PDE1A: variants seen among roughly 807,000 people sequenced by gnomAD.
PDE1A encodes phosphodiesterase 1A.
In PDE1A, 35 loss-of-function variants were observed where a neutral mutation model predicts 61.7. The observed-to-expected ratio is 0.57, with a 90% CI of 0.43 to 0.75. PDE1A has a LOEUF of 0.75. PDE1A is among the 30% of genes least tolerant of loss of function. PDE1A has a pLI of 0.00. For synonymous variants in PDE1A, 232 were observed against 213.2 expected, an observed-to-expected ratio of 1.09 and a Z score of -0.77; for missense variants, 597 against 630.6, an observed-to-expected ratio of 0.95 and a Z score of 0.57.
intron 13 of PDE1A, among the ~76,000 whole-genome samples, chr2:182,173,088 C>T (rs923608929): frequency 2.6e-5 from 4 of 152,034 alleles, no homozygotes; most frequent in Non-Finnish European, 5.9e-5. Context: ...GTGAAGCTGG[C>T]TCAGATTTAG....
intron 7 of PDE1A, 68 bp downstream of exon 7, chr2:182,223,796 T>G (rs1688922418): frequency 1.2e-6 from 1 of 866,302 alleles, no homozygotes; most frequent in Non-Finnish European, 1.8e-6. Flanking sequence ...AAAAATCCTC[T>G]TAAGTGATAT....
chr2:182,686,374 T>C, the PDE1A span, among the ~76,000 whole-genome samples: 1 of 152,240 alleles, frequency 6.6e-6, no homozygotes, highest in Admixed American at 6.5e-5. Flanking sequence ...AATTTGCTAA[T>C]ATTTTATTTA....
chr2:182,187,895 C>A (rs1339450186), intron 11 of PDE1A, among the ~76,000 whole-genome samples: 1 of 151,780 alleles, frequency 6.6e-6, no homozygotes, highest in African/African-American at 2.4e-5. Context: ...CAGGTGCATG[C>A]CACCACGCCC....
chr2:182,211,701 T>C (rs1687616796), intron 7 of PDE1A, among the ~76,000 whole-genome samples: 1 of 152,238 alleles, frequency 6.6e-6, no homozygotes. Context: ...GTTTTTCTTA[T>C]AAAGGTCTTG....
intron 10 of PDE1A, among the ~76,000 whole-genome samples, chr2:182,196,723 T>C (rs1686162275): frequency 6.6e-6 from 1 of 151,078 alleles, no homozygotes; most frequent in African/African-American, 2.4e-5. Flanking sequence ...ATAGTATTAT[T>C]TTGAGATTTA....
the PDE1A span, among the ~76,000 whole-genome samples, chr2:182,641,232 T>C: frequency 2.0e-5 from 3 of 151,982 alleles, no homozygotes; most frequent in African/African-American, 7.2e-5. Flanking sequence ...GGAAGAAGAA[T>C]GTAGGGAAAG....
the PDE1A span, among the ~76,000 whole-genome samples, chr2:182,602,369 C>T: frequency 2.6e-5 from 4 of 152,262 alleles, no homozygotes; most frequent in South Asian, 2.1e-4. Context: ...CTGTCTGGAG[C>T]GGCCACTGCC....
At chr2:182,321,484 TTAATAA>T (rs1176792503) in intron 1 of PDE1A, among the ~76,000 whole-genome samples, 1 of 152,234 alleles carries the variant, frequency 6.6e-6, no homozygotes, top group East Asian at 1.9e-4. Context: ...TCAGGCACTG[TTAATAA>T]TGAGTTTCAA....
intron 13 of PDE1A, among the ~76,000 whole-genome samples, chr2:182,171,879 C>T (rs936323788): frequency 6.6e-5 from 10 of 151,960 alleles, no homozygotes; most frequent in South Asian, 4.2e-4. Flanking sequence ...CAACCCAATA[C>T]TCCCTTCCCC....
chr2:182,403,692 G>T (rs1350133490), intron 1 of PDE1A, among the ~76,000 whole-genome samples: 1 of 151,886 alleles, frequency 6.6e-6, no homozygotes, highest in Non-Finnish European at 1.5e-5. Context: ...CAGGGACATG[G>T]GTGAACCTGG....
chr2:182,606,610 A>G, the PDE1A span, among the ~76,000 whole-genome samples: 7 of 149,474 alleles, frequency 4.7e-5, no homozygotes, highest in East Asian at 1.4e-3. Flanking sequence ...TGTGGATGTT[A>G]TAATATAGAA....
the PDE1A span, among the ~76,000 whole-genome samples, chr2:182,610,457 C>A: frequency 1.2e-3 from 184 of 152,176 alleles, no homozygotes; most frequent in Middle Eastern, 3.4e-3. Context: ...TTGAGGCAAT[C>A]CCTGAAGCAA....
At chr2:182,551,493 A>G in the PDE1A span, among the ~76,000 whole-genome samples, 4 of 152,196 alleles carry the variant, frequency 2.6e-5, no homozygotes, top group African/African-American at 9.7e-5. Context: ...ATCTGAAAGC[A>G]GCAATGAGGA....
At chr2:182,408,561 G>C (rs976865277) in intron 1 of PDE1A, among the ~76,000 whole-genome samples, 17 of 152,128 alleles carry the variant, frequency 1.1e-4, no homozygotes, top group Non-Finnish European at 5.9e-5. Context: ...GGGTCTTTGG[G>C]CAGTAATTAC....
chr2:182,627,774 C>T, the PDE1A span, among the ~76,000 whole-genome samples: 1 of 151,646 alleles, frequency 6.6e-6, no homozygotes, highest in African/African-American at 2.4e-5. Flanking sequence ...GAGACCCCAT[C>T]TCTACTAAAA....
chr2:182,413,001 G>A (rs1459518055), intron 1 of PDE1A, among the ~76,000 whole-genome samples: 1 of 152,172 alleles, frequency 6.6e-6, no homozygotes, highest in Non-Finnish European at 1.5e-5. Flanking sequence ...AAGCATGGAC[G>A]AGGACAGAGA....
At chr2:182,500,228 C>T (rs890651164) in intron 2 of PDE1A, among the ~76,000 whole-genome samples, 2 of 152,166 alleles carry the variant, frequency 1.3e-5, no homozygotes, top group East Asian at 3.9e-4. Flanking sequence ...TACTTTACTA[C>T]TTGGCTCAGA....
At chr2:182,246,237 G>A (rs745914844) in intron 2 of PDE1A, among the ~76,000 whole-genome samples, 1 of 152,104 alleles carries the variant, frequency 6.6e-6, no homozygotes, top group Non-Finnish European at 1.5e-5. Flanking sequence ...CAGGGCCTGT[G>A]TACTTGCTAT....
At chr2:182,441,160 G>T (rs1684767646) in intron 2 of PDE1A, among the ~76,000 whole-genome samples, 1 of 151,912 alleles carries the variant, frequency 6.6e-6, no homozygotes, top group Admixed American at 6.6e-5. Context: ...AAAACCATCA[G>T]CTCTCATGGG....
Sources: gnomAD v4.1 joint callset for allele counts (sites outside exome capture counted in the v4.1 genomes callset) on GRCh38, gnomAD v4.1.1 for gene constraint, MANE v1.5 for transcripts, NCBI Gene and HGNC (gene_info 2026-07-23, HGNC 2026-07-21) for gene names.